CPNE5: variants seen among roughly 807,000 people sequenced by gnomAD.
The protein encoded by CPNE5 is copine-5.
A neutral mutation model predicts 81.1 loss-of-function variants in CPNE5; 42 were observed. The ratio of observed to expected loss-of-function variants is 0.52; its 90% CI spans 0.40 to 0.67. CPNE5 has a LOEUF of 0.67. Ranked by LOEUF, CPNE5 falls within the 30% of genes least tolerant of loss-of-function variation. The pLI, the probability that CPNE5 is intolerant of heterozygous loss-of-function variation, is 0.00. For synonymous variants in CPNE5, 313 were observed against 321.5 expected (o/e 0.97, Z 0.28); for missense variants, 612 against 815.5 (o/e 0.75, Z 3.04).
chr6:36,745,542 A>G, intron 16 of CPNE5, 27 bp from the exon 17 acceptor site: 1 of 1,589,194 alleles, frequency 6.3e-7, no homozygotes, highest in Non-Finnish European at 8.6e-7. Flanking sequence ...AGGGAGGCTG[A>G]GCCCAGGAAG....
chr6:36,777,766 C>CGACACACA (rs1165860902), intron 9 of CPNE5, among the ~76,000 whole-genome samples: 1 of 109,468 alleles, frequency 9.1e-6, no homozygotes, highest in African/African-American at 4.0e-5. Context: ...CCCCCCCCCA[C>CGACACACA]CACACACACA....
At chr6:36,813,168 C>T (rs1441834377) in intron 3 of CPNE5, among the ~76,000 whole-genome samples, 1 of 152,222 alleles carries the variant, frequency 6.6e-6, no homozygotes, top group Non-Finnish European at 1.5e-5. Flanking sequence ...CCCTGCAGTC[C>T]ACTCTGCACA....
At chr6:36,795,524 T>C (rs1048669668) in intron 6 of CPNE5, among the ~76,000 whole-genome samples, 1 of 152,100 alleles carries the variant, frequency 6.6e-6, no homozygotes, top group Non-Finnish European at 1.5e-5. Flanking sequence ...AATGAGGTCA[T>C]GGCAGTGGAC....
intron 1 of CPNE5, among the ~76,000 whole-genome samples, chr6:36,826,249 G>A (rs1444752899): frequency 6.6e-6 from 1 of 152,068 alleles, no homozygotes; most frequent in African/African-American, 2.4e-5. Flanking sequence ...CTTCCCAGCT[G>A]GGCTAGAGGC....
At chr6:36,823,321 C>G (rs1391197882) in intron 1 of CPNE5, among the ~76,000 whole-genome samples, 2 of 152,184 alleles carry the variant, frequency 1.3e-5, no homozygotes, top group South Asian at 2.1e-4. Flanking sequence ...TACCTCCCAC[C>G]CCTATCATCA....
intron 7 of CPNE5, among the ~76,000 whole-genome samples, chr6:36,793,183 C>A (rs1769252290): frequency 6.6e-6 from 1 of 152,158 alleles, no homozygotes; most frequent in Non-Finnish European, 1.5e-5. Flanking sequence ...ACTGATGGAG[C>A]TCTTCCCAGC....
intron 2 of CPNE5, 124 bp downstream of exon 2, chr6:36,822,934 T>C (rs1246805780): frequency 2.7e-6 from 2 of 742,600 alleles, no homozygotes; most frequent in African/African-American, 3.6e-5. Flanking sequence ...TTAAACAGGC[T>C]TGACACACTT....
At chr6:36,826,319 A>T (rs1394347686) in intron 1 of CPNE5, among the ~76,000 whole-genome samples, 1 of 151,926 alleles carries the variant, frequency 6.6e-6, no homozygotes, top group Non-Finnish European at 1.5e-5. Flanking sequence ...TGACCTCAAG[A>T]CCCTCACCGA....
At chr6:36,771,837 G>A (rs958268909) in intron 10 of CPNE5, among the ~76,000 whole-genome samples, 6 of 152,004 alleles carry the variant, frequency 3.9e-5, no homozygotes, top group Non-Finnish European at 8.8e-5. Flanking sequence ...GCTGGGGGGC[G>A]GGGGGATAGG....
intron 8 of CPNE5, among the ~76,000 whole-genome samples, chr6:36,780,100 A>G (rs1307888683): frequency 6.6e-6 from 1 of 151,908 alleles, no homozygotes; most frequent in Admixed American, 6.6e-5. Context: ...AGTAGCTGGG[A>G]CTACAGGCGC....
In CPNE5 at chr6:36,822,695, C is replaced by T. The variant is rs534305116; in HGVS notation, c.136+363G>A. ...AGGCCAAAGACCCATCCAGGTCACA[C>T]GCTTGGGTGGCACTGCTCAAGGCTA... On this transcript the variant is annotated intron_variant, in intron 2 of 20. Transcript: ENST00000244751. Among the ~76,000 whole-genome samples the T allele has an allele frequency of 1.6e-3, 249 of 152,258 alleles. 2 individuals are homozygous for T. The highest frequency in any genetic ancestry group is 5.6e-3 in the African/African-American group (232 of 41,544).
chr6:36,830,907 AC>A (rs965920477), intron 1 of CPNE5, among the ~76,000 whole-genome samples: 1 of 150,132 alleles, frequency 6.7e-6, no homozygotes. Context: ...AGATCTGTCC[AC>A]TCCTCCCCAT....
intron 11 of CPNE5, 152 bp downstream of exon 11, chr6:36,765,183 C>A: frequency 1.4e-6 from 1 of 716,032 alleles, no homozygotes; most frequent in South Asian, 1.9e-5. Flanking sequence ...AGGACCCCTC[C>A]CCCACCCTCC....
chr6:36,786,121 C>T (rs1331389689), intron 8 of CPNE5, among the ~76,000 whole-genome samples: 2 of 151,528 alleles, frequency 1.3e-5, no homozygotes, highest in South Asian at 2.1e-4. Flanking sequence ...AACATATTGT[C>T]TTTTTTAGTC....
intron 1 of CPNE5, among the ~76,000 whole-genome samples, chr6:36,831,140 C>T (rs958654138): frequency 8.5e-5 from 13 of 152,052 alleles, no homozygotes; most frequent in Non-Finnish European, 1.0e-4. Flanking sequence ...CTGCAACCTC[C>T]GCCTCCTGGG....
chr6:36,827,872 AT>A (rs67045154), intron 1 of CPNE5: 193,268 of 286,456 alleles, frequency 0.67, 60,715 homozygotes, highest in East Asian at 0.95. Context: ...GGAAAAACGT[AT>A]TTTTTTTTTT....
At chr6:36,754,685 G>A (rs1159959607) in intron 13 of CPNE5, 1 of 152,270 alleles carries the variant, frequency 6.6e-6, no homozygotes, top group Non-Finnish European at 1.5e-5. Flanking sequence ...CTCACTGTGT[G>A]ACCTGGGACA....
At position 36,827,323 on chromosome 6, in the gene CPNE5, C is replaced by T. The variant is rs1394440581; in HGVS notation, c.96-4225G>A. ...AGAACCCTCAGAGCCTGCTAAACCT[C>T]CTACCTTGGCTTTGGACGGGTGGCT... is the stretch of plus-strand genomic sequence containing the variant. On this transcript the variant is annotated intron_variant, in intron 1 of 20. Transcript: ENST00000244751. 8 of 985,284 alleles carry T rather than the reference C, an allele frequency of 8.1e-6. No homozygotes were observed. In the Admixed American group the frequency reaches 4.9e-4, roughly 61 times the overall value. 61.0% of individuals were successfully genotyped at this position (985,284 alleles called of 1,614,324 possible). A position where few individuals can be genotyped will look rare whatever the true frequency, so the allele number is the denominator to read the frequency against.
At chr6:36,823,981 C>G (rs1411230071) in intron 1 of CPNE5, among the ~76,000 whole-genome samples, 1 of 152,174 alleles carries the variant, frequency 6.6e-6, no homozygotes, top group Non-Finnish European at 1.5e-5. Flanking sequence ...CATTGGGAAG[C>G]AAGACAGCCC....
Sources: allele counts gnomAD v4.1 joint callset (sites outside exome capture counted in the v4.1 genomes callset), GRCh38; gene constraint gnomAD v4.1.1; transcripts MANE v1.5; gene names NCBI Gene and HGNC (gene_info 2026-07-23, HGNC 2026-07-21).